Variants in SLC1A2 observed in about 807,000 individuals in gnomAD.
SLC1A2 encodes solute carrier family 1 member 2, also known as excitatory amino acid transporter 2.
A neutral mutation model predicts 48.8 loss-of-function variants in SLC1A2; 15 were observed. That is an observed-to-expected ratio of 0.31 (90% CI 0.21 to 0.47). The LOEUF is 0.47. SLC1A2 is among the 20% of genes least tolerant of loss of function. The pLI is 0.99. For missense variants in SLC1A2, 502 were observed against 730.5 expected (o/e 0.69, Z 3.61); for synonymous variants, 279 against 272.6 (o/e 1.02, Z -0.23).
chr11:35,381,577 C>T (rs4593985), intron 1 of SLC1A2, among the ~76,000 whole-genome samples: 45,727 of 151,596 alleles, frequency 0.3, 7,306 homozygotes, highest in East Asian at 0.58. Flanking sequence ...AAGAACAGCC[C>T]GAAAAATCTT....
intron 1 of SLC1A2, among the ~76,000 whole-genome samples, chr11:35,321,041 T>TA (rs1365010894): frequency 3.3e-5 from 5 of 152,284 alleles, no homozygotes; most frequent in African/African-American, 1.2e-4. Context: ...TCAGGAAACT[T>TA]ACAATCAAAT....
intron 9 of SLC1A2, 65 bp from the exon 10 acceptor site, chr11:35,265,823 G>C (rs1036380635): frequency 3.0e-6 from 3 of 1,003,788 alleles, no homozygotes; most frequent in Admixed American, 2.0e-5. Flanking sequence ...GAGAGGTCAA[G>C]GTCTGGAGTC....
At chr11:35,312,067 C>T in intron 4 of SLC1A2, 131 bp downstream of exon 4, 2 of 928,010 alleles carry the variant, frequency 2.2e-6, no homozygotes, top group South Asian at 1.7e-5. Context: ...CATAGAATCC[C>T]TGGGCCTAGA....
At chr11:35,371,089 T>C in intron 1 of SLC1A2, 3 of 973,982 alleles carry the variant, frequency 3.1e-6, no homozygotes, top group Non-Finnish European at 3.6e-6. Context: ...TTCACTTTGG[T>C]CCAGCACCTG....
intron 1 of SLC1A2, among the ~76,000 whole-genome samples, chr11:35,324,751 A>C (rs1852186262): frequency 6.6e-6 from 1 of 152,174 alleles, no homozygotes. Flanking sequence ...TCAGGAGTAC[A>C]ACCTTAAGGA....
intron 7 of SLC1A2, chr11:35,291,484 A>C (rs990450450): frequency 6.6e-6 from 1 of 151,926 alleles, no homozygotes; most frequent in Non-Finnish European, 1.5e-5. Flanking sequence ...CTGGCCTCGA[A>C]CTCCTGACTT....
intron 1 of SLC1A2, among the ~76,000 whole-genome samples, chr11:35,415,775 G>A (rs565412880): frequency 6.6e-6 from 1 of 152,108 alleles, no homozygotes; most frequent in East Asian, 1.9e-4. Flanking sequence ...CTTGGCTCCT[G>A]GGAGCTGATC....
At position 35,258,940 on chromosome 11, in the gene SLC1A2, GTC is replaced by G. The variant is rs1950352319; in HGVS notation, c.*1952_*1953del. 9.0e-6 allele frequency: 1 copy of G among 111,438 alleles called. No individual in the cohort carries two copies. Among genetic ancestry groups the G allele is most frequent in the African/African-American group, 4.2e-5 (1 of 24,044 alleles). 6.9% of individuals were successfully genotyped at this position (111,438 alleles called of 1,614,324 possible). Reference sequence around the variant, plus strand: ...AGCCTGAGCAACAGAGCAAGACTCTGTCTAAAAAAAAAAAAAAAAAAAGAATG... The same window carrying G: ...AGCCTGAGCAACAGAGCAAGACTCTGTAAAAAAAAAAAAAAAAAAAGAATG... On this transcript the variant is annotated 3_prime_UTR_variant, in exon 11 of 11. Coordinates refer to ENST00000278379, the MANE Select transcript of SLC1A2 (RefSeq NM_004171.4).
chr11:35,314,272 T>C (rs1448908125), intron 3 of SLC1A2, among the ~76,000 whole-genome samples: 6 of 152,218 alleles, frequency 3.9e-5, no homozygotes, highest in African/African-American at 1.4e-4. Context: ...TCTGAAAAAC[T>C]CAGAGGGCTT....
chr11:35,408,400 G>A (rs1157012142), intron 1 of SLC1A2, among the ~76,000 whole-genome samples: 3 of 152,120 alleles, frequency 2.0e-5, no homozygotes, highest in Non-Finnish European at 4.4e-5. Flanking sequence ...TGAATCATGG[G>A]GCCAGTCTTT....
At chr11:35,319,014 A>G (rs1851973934) in intron 1 of SLC1A2, among the ~76,000 whole-genome samples, 1 of 152,248 alleles carries the variant, frequency 6.6e-6, no homozygotes, top group African/African-American at 2.4e-5. Flanking sequence ...TGTTAGTCAA[A>G]ATATAGGCTT....
chr11:35,387,954 A>G (rs887101362), intron 1 of SLC1A2, among the ~76,000 whole-genome samples: 1 of 152,254 alleles, frequency 6.6e-6, no homozygotes, highest in Non-Finnish European at 1.5e-5. Flanking sequence ...TATTCTTGCA[A>G]CTAATCGTTA....
chr11:35,369,816 G>A (rs1853997084), intron 1 of SLC1A2, among the ~76,000 whole-genome samples: 1 of 152,172 alleles, frequency 6.6e-6, no homozygotes, highest in Non-Finnish European at 1.5e-5. Context: ...AGCTGGGGCA[G>A]GATAGCATGG....
intron 9 of SLC1A2, among the ~76,000 whole-genome samples, chr11:35,267,774 G>GA (rs11343973): frequency 5.9e-4 from 86 of 146,820 alleles, no homozygotes; most frequent in Non-Finnish European, 6.9e-4. Context: ...GTCAAATGGG[G>GA]AAAAAAAAAA....
At chr11:35,392,713 A>G (rs1345549885) in intron 1 of SLC1A2, among the ~76,000 whole-genome samples, 1 of 152,126 alleles carries the variant, frequency 6.6e-6, no homozygotes. Flanking sequence ...GAATGCCCCG[A>G]GTCCTCCTCC....
intron 1 of SLC1A2, among the ~76,000 whole-genome samples, chr11:35,375,466 C>T (rs1398568038): frequency 6.6e-6 from 1 of 152,150 alleles, no homozygotes; most frequent in Non-Finnish European, 1.5e-5. Flanking sequence ...GGCCTGGGGC[C>T]ATTTCTGAGT....
At chr11:35,405,594 A>T (rs1855263068) in intron 1 of SLC1A2, among the ~76,000 whole-genome samples, 1 of 152,218 alleles carries the variant, frequency 6.6e-6, no homozygotes, top group South Asian at 2.1e-4. Context: ...TGGGAAAGAC[A>T]GAGGATGGGC....
chr11:35,286,971 G>C lies in SLC1A2; in HGVS notation c.1092-20C>G. 1 of 1,603,110 alleles carries C rather than the reference G, an allele frequency of 6.2e-7. No individual in the cohort carries two copies. The highest frequency in any genetic ancestry group is 8.5e-7 in the Non-Finnish European group (1 of 1,170,338). ...CCAGCACTGAGAACAAAGAGAAAGA[G>C]AGAGACAGGGTTATGTCCACTTTAG... On this transcript the variant is annotated intron_variant, in intron 7 of 10. Transcript: ENST00000278379.
chr11:35,418,705 C>T (rs1008678412), intron 1 of SLC1A2: 5 of 538,586 alleles, frequency 9.3e-6, no homozygotes, highest in African/African-American at 2.0e-5. Flanking sequence ...AGGCCCCCAG[C>T]GCACCTTACC....
Sources: allele counts gnomAD v4.1 joint callset (sites outside exome capture counted in the v4.1 genomes callset), GRCh38; gene constraint gnomAD v4.1.1; transcripts MANE v1.5; gene names NCBI Gene and HGNC (gene_info 2026-07-23, HGNC 2026-07-21).